Variants in PRELID2 observed in about 807,000 individuals in gnomAD.
The protein encoded by PRELID2 is PRELI domain-containing protein 2.
A neutral mutation model predicts 28.4 loss-of-function variants in PRELID2; 25 were observed. The observed-to-expected ratio is 0.88, with a 90% CI of 0.64 to 1.23. The LOEUF is 1.23. Among genes scored for constraint, PRELID2 ranks in the 50% most tolerant of loss-of-function variants. The probability of loss-of-function intolerance (pLI) is 0.00; values close to 1 mark genes in which losing one functional copy is unlikely to be tolerated. For missense variants in PRELID2, 201 were observed against 214.4 expected (o/e 0.94, Z 0.39); for synonymous variants, 76 against 71.6 (o/e 1.06, Z -0.31).
intron 1 of PRELID2, among the ~76,000 whole-genome samples, chr5:145,600,057 C>A (rs1753366925): frequency 6.6e-6 from 1 of 150,858 alleles, no homozygotes; most frequent in South Asian, 2.1e-4. Flanking sequence ...TCTATGTTAT[C>A]TGTGACATTT....
intron 1 of PRELID2, among the ~76,000 whole-genome samples, chr5:145,699,184 G>A (rs749172769): frequency 1.3e-5 from 2 of 152,144 alleles, no homozygotes; most frequent in Non-Finnish European, 2.9e-5. Flanking sequence ...TTGGAAGACT[G>A]GGAATGCTTC....
intron 1 of PRELID2, among the ~76,000 whole-genome samples, chr5:145,566,872 A>C (rs899631910): frequency 6.6e-6 from 1 of 151,632 alleles, no homozygotes; most frequent in African/African-American, 2.4e-5. Flanking sequence ...AGAGCAAGAG[A>C]AAGAGAAAGA....
chr5:145,497,242 C>T (rs1371859961), intron 1 of PRELID2, among the ~76,000 whole-genome samples: 2 of 152,140 alleles, frequency 1.3e-5, no homozygotes, highest in Admixed American at 6.5e-5. Flanking sequence ...CAGTCATCCA[C>T]TGTGCTTTTG....
intron 1 of PRELID2, among the ~76,000 whole-genome samples, chr5:145,675,163 G>A (rs17103610): frequency 0.07 from 10,589 of 151,836 alleles, 553 homozygotes; most frequent in Admixed American, 0.18. Flanking sequence ...ACTTTCTGCA[G>A]GAATAATGAG....
chr5:145,584,630 G>C (rs1006622438), intron 1 of PRELID2, among the ~76,000 whole-genome samples: 1 of 147,910 alleles, frequency 6.8e-6, no homozygotes, highest in Non-Finnish European at 1.5e-5. Flanking sequence ...CAAAGGACAT[G>C]AACATATGCT....
At chr5:145,292,185 C>T in the PRELID2 span, among the ~76,000 whole-genome samples, 4 of 152,062 alleles carry the variant, frequency 2.6e-5, no homozygotes, top group African/African-American at 4.8e-5. Flanking sequence ...CTCTAGGCGA[C>T]GAGGAAGATA....
At chr5:145,309,213 A>T in the PRELID2 span, among the ~76,000 whole-genome samples, 2 of 152,214 alleles carry the variant, frequency 1.3e-5, no homozygotes, top group Non-Finnish European at 2.9e-5. Flanking sequence ...AGTAATCAAC[A>T]CAAGAAATAT....
the PRELID2 span, among the ~76,000 whole-genome samples, chr5:145,307,326 G>A: frequency 6.6e-6 from 1 of 152,204 alleles, no homozygotes; most frequent in South Asian, 2.1e-4. Context: ...TCACACAGCA[G>A]GTGGCCAGAA....
the PRELID2 span, among the ~76,000 whole-genome samples, chr5:145,274,825 G>C: frequency 6.6e-6 from 1 of 152,096 alleles, no homozygotes; most frequent in African/African-American, 2.4e-5. Flanking sequence ...GTTTGCTGGA[G>C]CTGACATAAC....
At chr5:145,620,601 TG>T (rs1379894092) in intron 1 of PRELID2, among the ~76,000 whole-genome samples, 1 of 152,194 alleles carries the variant, frequency 6.6e-6, no homozygotes, top group Admixed American at 6.5e-5. Context: ...GTGTAGTGAG[TG>T]GCTCATGCCT....
chr5:145,521,815 C>T (rs1227939175), intron 1 of PRELID2, among the ~76,000 whole-genome samples: 1 of 152,100 alleles, frequency 6.6e-6, no homozygotes, highest in Non-Finnish European at 1.5e-5. Flanking sequence ...CAGATCAATC[C>T]TCCTCTCTCT....
chr5:145,648,215 T>C (rs549259670), intron 1 of PRELID2, among the ~76,000 whole-genome samples: 26 of 152,244 alleles, frequency 1.7e-4, no homozygotes, highest in African/African-American at 6.3e-4. Flanking sequence ...AGGAGACATA[T>C]CCAAGAATGA....
chr5:145,481,798 T>TAGGAA (rs1752165033), intron 1 of PRELID2, among the ~76,000 whole-genome samples: 1 of 152,132 alleles, frequency 6.6e-6, no homozygotes, highest in African/African-American at 2.4e-5. Context: ...AAATACTGTC[T>TAGGAA]AGGAAAGGTT....
intron 1 of PRELID2, among the ~76,000 whole-genome samples, chr5:145,560,314 T>C (rs2126691868): frequency 6.6e-6 from 1 of 152,318 alleles, no homozygotes; most frequent in South Asian, 2.1e-4. Context: ...TAAGCTCAAG[T>C]GCCACAAAAA....
the PRELID2 span, among the ~76,000 whole-genome samples, chr5:145,405,382 G>T: frequency 6.6e-6 from 1 of 152,236 alleles, no homozygotes; most frequent in Middle Eastern, 3.4e-3. Context: ...TTACTATAAA[G>T]AAATACCTGA....
At chr5:145,376,842 C>T in the PRELID2 span, among the ~76,000 whole-genome samples, 1 of 152,036 alleles carries the variant, frequency 6.6e-6, no homozygotes, top group Admixed American at 6.6e-5. Context: ...AGACAGGTGT[C>T]TGGGTTTGTG....
chr5:145,788,177 T>A (rs1752127113), intron 5 of PRELID2, among the ~76,000 whole-genome samples: 1 of 143,878 alleles, frequency 7.0e-6, no homozygotes, highest in Non-Finnish European at 1.5e-5. Context: ...GAAATGTATA[T>A]GAAGCCTTTC....
chr5:145,422,830 T>C, the PRELID2 span, among the ~76,000 whole-genome samples: 7 of 152,270 alleles, frequency 4.6e-5, no homozygotes, highest in South Asian at 1.5e-3. Flanking sequence ...CTTCCTAGTC[T>C]CGATGGTCTT....
At chr5:145,812,613 G>A (rs1754025920) in intron 4 of PRELID2, among the ~76,000 whole-genome samples, 2 of 149,362 alleles carry the variant, frequency 1.3e-5, no homozygotes, top group South Asian at 4.3e-4. Flanking sequence ...CCTGCACATA[G>A]TAAACACATG....
Sources: gnomAD v4.1 joint callset for allele counts (sites outside exome capture counted in the v4.1 genomes callset) on GRCh38, gnomAD v4.1.1 for gene constraint, MANE v1.5 for transcripts, NCBI Gene and HGNC (gene_info 2026-07-23, HGNC 2026-07-21) for gene names.